Variants in EFCAB11 observed in about 807,000 individuals in gnomAD.
EFCAB11 encodes EF-hand calcium-binding domain-containing protein 11.
Under a neutral mutation model 23.0 loss-of-function variants are expected in EFCAB11, and 14 were observed. The ratio of observed to expected loss-of-function variants is 0.61; its 90% CI spans 0.40 to 0.95. EFCAB11 has a LOEUF of 0.95. EFCAB11 is among the 40% of genes least tolerant of loss of function. The pLI is 0.00. For missense variants in EFCAB11, 198 were observed against 195.8 expected (o/e 1.01, Z -0.07); for synonymous variants, 65 against 66.6 (o/e 0.98, Z 0.11).
In EFCAB11 at chr14:89,813,963, GCT is replaced by G. The variant is rs1481458159; in HGVS notation, c.411-16641_411-16640del. Reference sequence around the variant, plus strand: ...TGTCTGCGCGCATTCCTCGGCTGCTGCTCTCTTTCAGTGACTACATGGTCTGA... The same window carrying G: ...TGTCTGCGCGCATTCCTCGGCTGCTGCTCTTTCAGTGACTACATGGTCTGA... On this transcript the variant is annotated intron_variant, in intron 5 of 5. Transcript: ENST00000316738. Among the ~76,000 whole-genome samples the G allele has an allele frequency of 2.0e-5, 3 of 152,096 alleles. No individual in the cohort carries two copies. The East Asian group carries it at 5.8e-4, about 29-fold the overall frequency.
intron 1 of EFCAB11, among the ~76,000 whole-genome samples, 181 bp from the exon 2 acceptor site, chr14:89,954,182 T>C (rs1202153384): frequency 2.0e-5 from 3 of 152,218 alleles, no homozygotes; most frequent in Non-Finnish European, 2.9e-5. Flanking sequence ...GAAATTTTCT[T>C]AAACATGGGC....
chr14:89,952,917 T>G (rs1891221662), intron 2 of EFCAB11, among the ~76,000 whole-genome samples: 1 of 152,078 alleles, frequency 6.6e-6, no homozygotes, highest in African/African-American at 2.4e-5. Context: ...TCTGACTAAT[T>G]CCAGCTTAAC....
intron 5 of EFCAB11, among the ~76,000 whole-genome samples, chr14:89,891,509 T>C (rs1039861459): frequency 3.9e-5 from 6 of 152,224 alleles, no homozygotes; most frequent in Non-Finnish European, 7.3e-5. Context: ...AGGTTTCTGA[T>C]TATGTTTATA....
chr14:89,910,328 T>G (rs1371392651), intron 5 of EFCAB11, among the ~76,000 whole-genome samples: 2 of 152,196 alleles, frequency 1.3e-5, no homozygotes, highest in Non-Finnish European at 2.9e-5. Flanking sequence ...CCGGGTGCAG[T>G]GGCTCACGCC....
chr14:89,862,470 A>G (rs1887955317), intron 5 of EFCAB11, among the ~76,000 whole-genome samples: 1 of 152,214 alleles, frequency 6.6e-6, no homozygotes, highest in Non-Finnish European at 1.5e-5. Context: ...GCAGTCTCAC[A>G]CATGTGAAGG....
chr14:89,848,875 C>T (rs369256301), intron 5 of EFCAB11: 3 of 152,124 alleles, frequency 2.0e-5, no homozygotes, highest in Non-Finnish European at 2.9e-5. Flanking sequence ...TGCTATGAGT[C>T]GAGATGGCAC....
At chr14:89,886,800 T>C (rs1173687489) in intron 5 of EFCAB11, among the ~76,000 whole-genome samples, 1 of 152,192 alleles carries the variant, frequency 6.6e-6, no homozygotes, top group Non-Finnish European at 1.5e-5. Flanking sequence ...TATTGCAGTT[T>C]TGGTAATTTA....
Position 89,897,515 on chromosome 14 carries a change from T to C in EFCAB11, c.410+34026A>G, listed in dbSNP as rs181391131. ...GCCACCGCGCCCAGCCGTGTGCATG[T>C]ATTTTTAAAGCACGGGAATAATAAA... On this transcript the variant is annotated intron_variant, in intron 5 of 5. Coordinates refer to ENST00000316738, the MANE Select transcript of EFCAB11 (RefSeq NM_145231.4). 1.9e-3 allele frequency among the ~76,000 whole-genome samples: 288 copies of C among 152,298 alleles called. 3 individuals carry two copies. The highest frequency in any genetic ancestry group is 2.4e-3 in the Non-Finnish European group (164 of 68,006).
Position 89,794,699 on chromosome 14 carries a change from T to G in EFCAB11, c.*2544A>C, listed in dbSNP as rs1885516925. On this transcript the variant is annotated 3_prime_UTR_variant, in exon 6 of 6. Coordinates refer to ENST00000316738, the MANE Select transcript of EFCAB11 (RefSeq NM_145231.4). ...ATTTGAAATAAGATTTTATTTTTAC[T>G]TGATTTTCAATGTTTTCTTCATTTT... 6.6e-6 allele frequency: 1 copy of G among 152,226 alleles called. No homozygotes were observed. The highest frequency in any genetic ancestry group is 2.1e-4 in the South Asian group (1 of 4,832). The allele number at this position is 152,226 out of a possible 1,614,324, so 9.4% of individuals were successfully genotyped here.
intron 3 of EFCAB11, among the ~76,000 whole-genome samples, chr14:89,947,418 A>T (rs1336143847): frequency 6.6e-6 from 1 of 152,096 alleles, no homozygotes; most frequent in African/African-American, 2.4e-5. Context: ...CAAACAAAAC[A>T]TCTCTTGATC....
At chr14:89,889,365 A>C (rs943947797) in intron 5 of EFCAB11, among the ~76,000 whole-genome samples, 3 of 152,208 alleles carry the variant, frequency 2.0e-5, no homozygotes, top group Non-Finnish European at 4.4e-5. Context: ...GAAATATGAG[A>C]CAAATTTTTT....
intron 3 of EFCAB11, among the ~76,000 whole-genome samples, chr14:89,937,443 A>G (rs567924843): frequency 4.6e-5 from 7 of 152,162 alleles, no homozygotes; most frequent in Non-Finnish European, 8.8e-5. Context: ...CTGCAAGTCC[A>G]TGCATTTTTT....
chr14:89,912,544 T>G (rs1889712394), intron 5 of EFCAB11, among the ~76,000 whole-genome samples: 1 of 152,262 alleles, frequency 6.6e-6, no homozygotes, highest in Non-Finnish European at 1.5e-5. Context: ...TATTGAAATA[T>G]CTGTACATTA....
chr14:89,940,779 A>G (rs1305436071), intron 3 of EFCAB11, among the ~76,000 whole-genome samples: 1 of 152,226 alleles, frequency 6.6e-6, no homozygotes, highest in Non-Finnish European at 1.5e-5. Context: ...TCTTAGGCAT[A>G]TTTTACATAG....
intron 5 of EFCAB11, among the ~76,000 whole-genome samples, chr14:89,845,009 T>C (rs890808246): frequency 2.6e-5 from 4 of 152,210 alleles, no homozygotes; most frequent in African/African-American, 4.8e-5. Flanking sequence ...TAAATTGATA[T>C]TGTTTAGGAA....
chr14:89,937,140 TTTA>T (rs1890615001), intron 3 of EFCAB11, among the ~76,000 whole-genome samples: 1 of 152,240 alleles, frequency 6.6e-6, no homozygotes, highest in Non-Finnish European at 1.5e-5. Context: ...TTTATCTGTG[TTTA>T]TTATTAATAT....
At position 89,885,391 on chromosome 14, in the gene EFCAB11, C is replaced by A. The variant is rs779074790; in HGVS notation, c.410+46150G>T. ...GATTCAATATAAATTCAATTAAAAA[C>A]CCAGCCAGCGGGCGTGGTGGCTCAA... On this transcript the variant is annotated intron_variant, in intron 5 of 5. Transcript: ENST00000316738. 3.3e-5 allele frequency among the ~76,000 whole-genome samples: 5 copies of A among 152,196 alleles called. No individual in the cohort carries two copies. In the East Asian group the frequency reaches 7.7e-4, roughly 23 times the overall value.
intron 5 of EFCAB11, among the ~76,000 whole-genome samples, chr14:89,892,843 A>C (rs900332388): frequency 6.6e-6 from 1 of 152,140 alleles, no homozygotes; most frequent in Admixed American, 6.5e-5. Flanking sequence ...CAGAGATTGC[A>C]GTGAGCCAAG....
At chr14:89,818,019 A>G (rs8012869) in intron 5 of EFCAB11, among the ~76,000 whole-genome samples, 40,808 of 151,656 alleles carry the variant, frequency 0.27, 6,294 homozygotes, top group East Asian at 0.57. Context: ...ATAAATAAAT[A>G]AAAATAAAAA....
Sources: allele counts gnomAD v4.1 joint callset (sites outside exome capture counted in the v4.1 genomes callset), GRCh38; gene constraint gnomAD v4.1.1; transcripts MANE v1.5; gene names NCBI Gene and HGNC (gene_info 2026-07-23, HGNC 2026-07-21).